The following KIF3C variants were observed in gnomAD, a reference collection of about 807,000 sequenced individuals.
The protein encoded by KIF3C is kinesin family member 3C, also known as kinesin-like protein KIF3C.
Under a neutral mutation model 67.7 loss-of-function variants are expected in KIF3C, and 12 were observed. The observed-to-expected ratio is 0.18, with a 90% confidence interval of 0.11 to 0.29. The LOEUF is 0.29. Ranked by LOEUF, KIF3C falls within the 10% of genes least tolerant of loss-of-function variation. The probability of loss-of-function intolerance (pLI) is 1.00; values close to 1 mark genes in which losing one functional copy is unlikely to be tolerated. For synonymous variants in KIF3C, 393 were observed against 426.2 expected, an observed-to-expected ratio of 0.92 and a Z score of 0.96; for missense variants, 789 against 1,059.6, an observed-to-expected ratio of 0.74 and a Z score of 3.55.
chr2:25,963,103 T>G (rs564513988), intron 1 of KIF3C, among the ~76,000 whole-genome samples: 23 of 106,138 alleles, frequency 2.2e-4, no homozygotes, highest in South Asian at 5.0e-4. Flanking sequence ...TATATACATA[T>G]ACATGTGTAC....
At chr2:25,948,987 T>C (rs564211957) in intron 5 of KIF3C, among the ~76,000 whole-genome samples, 3 of 151,142 alleles carry the variant, frequency 2.0e-5, no homozygotes, top group African/African-American at 7.3e-5. Context: ...TTAAATGAAA[T>C]GCATGACTGC....
intron 4 of KIF3C, 26 bp downstream of exon 4, chr2:25,954,241 G>A (rs1663737855): frequency 2.6e-6 from 4 of 1,550,344 alleles, no homozygotes; most frequent in East Asian, 2.2e-5. Context: ...GTGGGGACCC[G>A]GGATGAAAAG....
intron 1 of KIF3C, among the ~76,000 whole-genome samples, chr2:25,975,997 G>A (rs1460072688): frequency 6.6e-6 from 1 of 152,004 alleles, no homozygotes; most frequent in Non-Finnish European, 1.5e-5. Context: ...TTTCTTGGAG[G>A]GTGCTCATGT....
At chr2:25,962,927 T>A (rs1292129450) in intron 1 of KIF3C, among the ~76,000 whole-genome samples, 1 of 51,630 alleles carries the variant, frequency 1.9e-5, no homozygotes, top group East Asian at 2.0e-3. Context: ...ATATAATATA[T>A]AATACATATA....
intron 1 of KIF3C, among the ~76,000 whole-genome samples, chr2:25,962,416 G>A (rs1251698112): frequency 2.0e-5 from 3 of 151,570 alleles, no homozygotes; most frequent in Admixed American, 6.6e-5. Context: ...TTTCGCTCTT[G>A]TTGCCCAGGC....
At chr2:25,934,255 T>G in intron 5 of KIF3C, 2 of 453,358 alleles carry the variant, frequency 4.4e-6, no homozygotes, top group Non-Finnish European at 9.1e-6. Flanking sequence ...TGCTAATTGG[T>G]TCAGGGTTTC....
intron 2 of KIF3C, among the ~76,000 whole-genome samples, chr2:25,956,100 G>T (rs1254898329): frequency 6.6e-6 from 1 of 152,226 alleles, no homozygotes; most frequent in Non-Finnish European, 1.5e-5. Flanking sequence ...ATTAGTACCA[G>T]GTGGCTTGTG....
Position 25,958,558 on chromosome 2 carries a change from G to A in KIF3C, c.1546-2114C>T, listed in dbSNP as rs2149235644. On this transcript the variant is annotated intron_variant, in intron 1 of 7. Coordinates refer to ENST00000264712, the MANE Select transcript of KIF3C (RefSeq NM_002254.8). The surrounding 1 kb of genome is among the most constrained non-coding windows in gnomAD (Gnocchi z 4.5). The stretch of plus-strand genomic sequence containing the variant: ...ATCACGCCACTGCACTCCAGCCTGG[G>A]TGCCAGAGTGAGACTTCATCACAAA... Among the ~76,000 whole-genome samples, 1 of 152,126 alleles carries A rather than the reference G, an allele frequency of 6.6e-6. No individual in the cohort carries two copies. Among genetic ancestry groups the A allele is most frequent in the African/African-American group, 2.4e-5 (1 of 41,498 alleles).
At chr2:25,963,242 G>C (rs1183682782) in intron 1 of KIF3C, among the ~76,000 whole-genome samples, 1 of 103,820 alleles carries the variant, frequency 9.6e-6, no homozygotes, top group Non-Finnish European at 1.8e-5. Flanking sequence ...GTCTCACTCT[G>C]TCACCCAGGC....
chr2:25,951,134 A>T (rs375144337), intron 5 of KIF3C, among the ~76,000 whole-genome samples: 1 of 152,064 alleles, frequency 6.6e-6, no homozygotes, highest in Non-Finnish European at 1.5e-5. Flanking sequence ...TTAAGGGCCC[A>T]TGGTTCAGCC....
rs1286141692 is a variant in KIF3C at position 25,980,377 on chromosome 2, T to A, written c.1541A>T (p.Tyr514Phe). 6.2e-7 allele frequency: 1 copy of A among 1,612,364 alleles called. No individual in the cohort carries two copies. The highest frequency in any genetic ancestry group is 8.5e-7 in the Non-Finnish European group (1 of 1,179,108). The part of the protein sequence containing the change: ...QQATELLAAK[Y>F]KAMESKLLIG... ...CAGCTCCTCTGGGGCCCTTACCTTG[T>A]ACTTGGCCGCAAGCAGCTCTGTGGC... is the stretch of plus-strand genomic sequence containing the variant. The change falls in exon 1 of 8, where the codon TAC becomes TTC. Residue 514 changes from tyrosine to phenylalanine, a missense_variant. Tyr to Phe is a conservative substitution (Grantham distance 22, BLOSUM62 3). Coordinates refer to ENST00000264712, the MANE Select transcript of KIF3C (RefSeq NM_002254.8). This position sits in a 1 kb window ranked among gnomAD's most constrained non-coding sequence, Gnocchi z 7.6.
chr2:25,937,459 C>G (rs1337399748), intron 5 of KIF3C, among the ~76,000 whole-genome samples: 1 of 152,186 alleles, frequency 6.6e-6, no homozygotes, highest in Non-Finnish European at 1.5e-5. Flanking sequence ...TTACAGGATG[C>G]CGGGAGGCGT....
intron 5 of KIF3C, among the ~76,000 whole-genome samples, chr2:25,944,295 T>G (rs1011170552): frequency 4.6e-5 from 7 of 152,238 alleles, no homozygotes; most frequent in African/African-American, 1.2e-4. Flanking sequence ...TAATTACTGT[T>G]CATATAATTT....
intron 1 of KIF3C, among the ~76,000 whole-genome samples, chr2:25,979,757 G>A (rs1220356319): frequency 6.6e-6 from 1 of 152,136 alleles, no homozygotes; most frequent in African/African-American, 2.4e-5. Flanking sequence ...GAAACAGCAT[G>A]AGGTCCATGG....
intron 1 of KIF3C, among the ~76,000 whole-genome samples, chr2:25,970,728 G>A (rs1664261036): frequency 6.7e-6 from 1 of 150,220 alleles, no homozygotes. Flanking sequence ...AGCACGCATG[G>A]AAGAAATGGT....
intron 5 of KIF3C, among the ~76,000 whole-genome samples, chr2:25,931,584 G>A (rs921197762): frequency 6.6e-6 from 1 of 152,138 alleles, no homozygotes; most frequent in Non-Finnish European, 1.5e-5. Context: ...TGTTTCTGCA[G>A]TAGAAAGGAC....
chr2:25,956,449 G>A lies in KIF3C; in HGVS notation c.1546-5C>T. On this transcript the variant is annotated splice_region_variant and splice_polypyrimidine_tract_variant and intron_variant, in intron 1 of 7. Transcript: ENST00000264712. Reference sequence around the variant, plus strand: ...GAGGAGCTTGCTCTCCATGGCCTGGGGACACAGAGGGGTTGGGAGGTGGGC... The same window carrying A: ...GAGGAGCTTGCTCTCCATGGCCTGGAGACACAGAGGGGTTGGGAGGTGGGC... The A allele has an allele frequency of 6.2e-7, 1 of 1,611,080 alleles. No individual in the cohort carries two copies. The highest frequency in any genetic ancestry group is 8.5e-7 in the Non-Finnish European group (1 of 1,177,488).
At chr2:25,945,858 C>T (rs915034595) in intron 5 of KIF3C, among the ~76,000 whole-genome samples, 11 of 152,182 alleles carry the variant, frequency 7.2e-5, no homozygotes, top group African/African-American at 2.7e-4. Context: ...GCCTGTAAAT[C>T]CTAGCACTTT....
In KIF3C at chr2:25,979,127, C is replaced by A. The variant is rs530420005; in HGVS notation, c.1545+1246G>T. 3.9e-5 allele frequency among the ~76,000 whole-genome samples: 6 copies of A among 152,310 alleles called. No individual in the cohort carries two copies. The South Asian group carries it at 1.2e-3, about 32-fold the overall frequency. On this transcript the variant is annotated intron_variant, in intron 1 of 7. Coordinates refer to ENST00000264712, the MANE Select transcript of KIF3C (RefSeq NM_002254.8). The stretch of plus-strand genomic sequence containing the variant: ...TAAGAAATGGCAATATTTTGCTCTT[C>A]CCAGCAAGCTCATGGCTTCCTGTGT...
Sources: allele counts gnomAD v4.1 joint callset (sites outside exome capture counted in the v4.1 genomes callset), GRCh38; gene constraint gnomAD v4.1.1; non-coding constraint Gnocchi (gnomAD v3.1); transcripts MANE v1.5; gene names NCBI Gene and HGNC (gene_info 2026-07-23, HGNC 2026-07-21).